The following VAV3 variants were observed in gnomAD, a reference collection of about 807,000 sequenced individuals.
VAV3 encodes the protein guanine nucleotide exchange factor VAV3.
VAV3 carries 94 observed loss-of-function variants against 131.2 expected under a neutral mutation model. The ratio of observed to expected loss-of-function variants is 0.72; its 90% CI spans 0.61 to 0.85. The LOEUF is 0.85. VAV3 is among the 40% of genes least tolerant of loss of function. The pLI is 0.00. For missense variants in VAV3, 939 were observed against 1,002.7 expected (o/e 0.94, Z 0.86); for synonymous variants, 349 against 342.0 (o/e 1.02, Z -0.22).
chr1:107,588,292 C>T (rs985835117), intron 25 of VAV3, among the ~76,000 whole-genome samples: 1 of 152,262 alleles, frequency 6.6e-6, no homozygotes, highest in East Asian at 1.9e-4. Flanking sequence ...AAAATGTCAG[C>T]AATATGTTAT....
intron 15 of VAV3, among the ~76,000 whole-genome samples, chr1:107,726,959 G>A (rs1661881767): frequency 6.6e-6 from 1 of 152,068 alleles, no homozygotes; most frequent in East Asian, 1.9e-4. Flanking sequence ...CTCACACAAT[G>A]AGTAATAATC....
At chr1:107,668,383 T>C (rs7541272) in intron 19 of VAV3, among the ~76,000 whole-genome samples, 9,302 of 152,306 alleles carry the variant, frequency 0.061, 718 homozygotes, top group African/African-American at 0.18. Flanking sequence ...ATTACTTACA[T>C]GAATTTGGAC....
At chr1:107,835,264 CAT>C (rs1355367717) in intron 2 of VAV3, among the ~76,000 whole-genome samples, 2 of 152,184 alleles carry the variant, frequency 1.3e-5, no homozygotes, top group Non-Finnish European at 1.5e-5. Context: ...CATGGCCCCA[CAT>C]GAGTGCTTTC....
chr1:107,732,894 G>A (rs1189112863), intron 15 of VAV3, among the ~76,000 whole-genome samples: 1 of 152,198 alleles, frequency 6.6e-6, no homozygotes, highest in East Asian at 1.9e-4. Flanking sequence ...CTCTGAGAAT[G>A]GACAGACTGC....
intron 1 of VAV3, among the ~76,000 whole-genome samples, chr1:107,905,686 T>C (rs1191997071): frequency 1.3e-5 from 2 of 152,252 alleles, no homozygotes; most frequent in African/African-American, 4.8e-5. Context: ...TTCAATTTTA[T>C]TGATTTTAGG....
At chr1:107,960,241 G>C (rs777347294) in intron 1 of VAV3, among the ~76,000 whole-genome samples, 13 of 152,144 alleles carry the variant, frequency 8.5e-5, no homozygotes, top group Non-Finnish European at 1.9e-4. Flanking sequence ...GCCAAGGCGG[G>C]TGGACTGCCT....
intron 1 of VAV3, among the ~76,000 whole-genome samples, chr1:107,963,940 G>T (rs1461427845): frequency 6.6e-6 from 1 of 152,192 alleles, no homozygotes. Context: ...CCAGCCCCAG[G>T]AGCCGACCGG....
At chr1:107,573,888 G>GT (rs1336862084) in intron 26 of VAV3, among the ~76,000 whole-genome samples, 159 bp downstream of exon 26, 1 of 152,136 alleles carries the variant, frequency 6.6e-6, no homozygotes, top group African/African-American at 2.4e-5. Flanking sequence ...CGAGTCCCTG[G>GT]TATCAGCAAA....
intron 1 of VAV3, 36 bp downstream of exon 1, chr1:107,964,630 C>T (rs1445677602): frequency 1.3e-6 from 2 of 1,599,068 alleles, no homozygotes; most frequent in Admixed American, 1.7e-5. Flanking sequence ...TGGGAGCTGC[C>T]GGCTGGAGGC....
intron 1 of VAV3, among the ~76,000 whole-genome samples, chr1:107,949,212 T>C (rs1283598509): frequency 1.3e-5 from 2 of 152,258 alleles, no homozygotes; most frequent in Non-Finnish European, 2.9e-5. Context: ...ATATGTAGTT[T>C]AAGAAACATT....
At chr1:107,605,666 T>C (rs1460410992) in intron 22 of VAV3, among the ~76,000 whole-genome samples, 1 of 152,180 alleles carries the variant, frequency 6.6e-6, no homozygotes, top group East Asian at 1.9e-4. Context: ...ATGCAGATTA[T>C]AGTCAAAATG....
chr1:107,754,989 T>C (rs1664016072), intron 12 of VAV3, among the ~76,000 whole-genome samples: 1 of 152,164 alleles, frequency 6.6e-6, no homozygotes. Context: ...TAACTCTTTT[T>C]TTTTTAAACT....
At chr1:107,706,090 T>C (rs144277614) in intron 15 of VAV3, among the ~76,000 whole-genome samples, 158 of 152,228 alleles carry the variant, frequency 1.0e-3, no homozygotes, top group African/African-American at 3.5e-3. Context: ...AAAATTAGAC[T>C]AGGATAAGTT....
chr1:107,645,646 G>A (rs747871402), intron 19 of VAV3, among the ~76,000 whole-genome samples: 2 of 151,978 alleles, frequency 1.3e-5, no homozygotes, highest in Non-Finnish European at 2.9e-5. Flanking sequence ...AAAAAATTGC[G>A]ATTAAGAGGA....
chr1:107,680,058 T>G (rs1170444504), intron 19 of VAV3, among the ~76,000 whole-genome samples: 2 of 152,180 alleles, frequency 1.3e-5, no homozygotes, highest in African/African-American at 4.8e-5. Context: ...CTATAAAGAT[T>G]AATCACAATT....
chr1:107,705,093 A>G (rs1570788473), intron 15 of VAV3, 32 bp from the exon 16 acceptor site: 2 of 1,528,382 alleles, frequency 1.3e-6, no homozygotes, highest in East Asian at 2.3e-5. Flanking sequence ...CTTTCTATAG[A>G]AAGTTTCACA....
intron 2 of VAV3, among the ~76,000 whole-genome samples, chr1:107,846,716 A>G (rs560318895): frequency 6.6e-6 from 1 of 152,344 alleles, no homozygotes; most frequent in East Asian, 1.9e-4. Context: ...ATGCAACAAG[A>G]GCTAACTACC....
intron 2 of VAV3, among the ~76,000 whole-genome samples, chr1:107,836,394 C>G (rs1668479067): frequency 6.6e-6 from 1 of 152,160 alleles, no homozygotes; most frequent in African/African-American, 2.4e-5. Context: ...AGAATTACAA[C>G]ATACCAAAAT....
chr1:107,628,610 T>C (rs1166113742), intron 20 of VAV3, among the ~76,000 whole-genome samples: 2 of 152,244 alleles, frequency 1.3e-5, no homozygotes, highest in Admixed American at 1.3e-4. Context: ...CAAAAAGTTA[T>C]ACATAAAGTG....
Sources: gnomAD v4.1 joint callset for allele counts (sites outside exome capture counted in the v4.1 genomes callset) on GRCh38, gnomAD v4.1.1 for gene constraint, MANE v1.5 for transcripts, NCBI Gene and HGNC (gene_info 2026-07-23, HGNC 2026-07-21) for gene names.